Variants in TDRD9 observed in about 807,000 individuals in gnomAD.
TDRD9 encodes the protein ATP-dependent RNA helicase TDRD9.
A neutral mutation model predicts 172.6 loss-of-function variants in TDRD9; 124 were observed. That is an observed-to-expected ratio of 0.72 (90% CI 0.62 to 0.83). The LOEUF (loss-of-function observed/expected upper bound fraction) is 0.83. TDRD9 is among the 40% of genes least tolerant of loss of function. The probability of loss-of-function intolerance (pLI) is 0.00; values close to 1 mark genes in which losing one functional copy is unlikely to be tolerated. For synonymous variants in TDRD9, 619 were observed against 617.1 expected, an observed-to-expected ratio of 1.00 and a Z score of -0.05; for missense variants, 1,479 against 1,714.1, an observed-to-expected ratio of 0.86 and a Z score of 2.42.
chr14:103,938,422 A>C (rs1189609042), intron 1 of TDRD9, among the ~76,000 whole-genome samples: 1 of 39,526 alleles, frequency 2.5e-5, no homozygotes, highest in Non-Finnish European at 4.5e-5. Context: ...GTGTATATAT[A>C]TATATATATA....
intron 1 of TDRD9, among the ~76,000 whole-genome samples, chr14:103,943,407 G>T (rs2031366266): frequency 6.7e-6 from 1 of 149,522 alleles, no homozygotes; most frequent in African/African-American, 2.5e-5. Context: ...GTACATATAT[G>T]TATATATACA....
intron 5 of TDRD9, among the ~76,000 whole-genome samples, chr14:103,969,123 C>A (rs12885873): frequency 0.24 from 34,753 of 144,982 alleles, 4,803 homozygotes; most frequent in South Asian, 0.44. Context: ...AAAAAAAAAA[C>A]CCCCCAAAAA....
intron 1 of TDRD9, among the ~76,000 whole-genome samples, chr14:103,952,242 T>A (rs1220376435): frequency 2.7e-5 from 2 of 75,068 alleles, no homozygotes; most frequent in Admixed American, 1.5e-4. Flanking sequence ...TTTTTTTTTT[T>A]TTTTTTTTTT....
chr14:104,005,575 AC>A (rs1408182458), intron 15 of TDRD9, among the ~76,000 whole-genome samples, 170 bp downstream of exon 15: 1 of 150,612 alleles, frequency 6.6e-6, no homozygotes, highest in Admixed American at 6.6e-5. Context: ...CTCCTGCCTC[AC>A]TTTCCCGCTA....
At chr14:103,971,174 G>A (rs11160774) in intron 6 of TDRD9, among the ~76,000 whole-genome samples, 32,579 of 150,788 alleles carry the variant, frequency 0.22, 4,175 homozygotes, top group South Asian at 0.42. Flanking sequence ...TAGTAGAGGC[G>A]GGGTTTCATC....
chr14:103,955,400 AG>A (rs765761182), intron 1 of TDRD9, among the ~76,000 whole-genome samples: 2 of 152,174 alleles, frequency 1.3e-5, no homozygotes, highest in Non-Finnish European at 2.9e-5. Context: ...CTTCAGAATA[AG>A]TGGTCATACC....
At chr14:103,965,189 G>T (rs1299795949) in intron 3 of TDRD9, 144 bp from the exon 4 acceptor site, 2 of 815,890 alleles carry the variant, frequency 2.5e-6, no homozygotes, top group African/African-American at 3.4e-5. Context: ...TCCAGGCTGG[G>T]CAACAGAGCG....
intron 35 of TDRD9, among the ~76,000 whole-genome samples, chr14:104,050,970 T>C (rs762316125): frequency 6.6e-6 from 1 of 152,238 alleles, no homozygotes; most frequent in Non-Finnish European, 1.5e-5. Flanking sequence ...TTTATTTATT[T>C]GCAGCTTTTA....
At chr14:104,008,368 A>G in intron 19 of TDRD9, 45 bp from the exon 20 acceptor site, 1 of 1,138,174 alleles carries the variant, frequency 8.8e-7, no homozygotes. Flanking sequence ...TTCAGCTCTA[A>G]TTTATTACCT....
In TDRD9 at chr14:103,995,768, AT is replaced by A; in HGVS notation, c.1341del (p.Ile447MetfsTer15). 6.2e-7 allele frequency: 1 copy of A among 1,609,248 alleles called. No homozygotes were observed. The highest frequency in any genetic ancestry group is 8.5e-7 in the Non-Finnish European group (1 of 1,178,020). The part of the protein sequence containing the change: ...GYRKIILSTN[I>X]AESSVTVPDV... ...TTAACAGATTATTCTGTCCACCAAT[AT>A]TGCAGAGAGTTCTGTCACAGTTCCA... On this transcript the variant is annotated frameshift_variant, in exon 12 of 36. Coordinates refer to ENST00000409874, the MANE Select transcript of TDRD9 (RefSeq NM_153046.3). LOFTEE classifies it high-confidence loss of function.
intron 1 of TDRD9, among the ~76,000 whole-genome samples, chr14:103,952,383 A>G (rs972905905): frequency 1.5e-4 from 22 of 148,932 alleles, no homozygotes; most frequent in African/African-American, 4.9e-4. Flanking sequence ...CTGGGACTAC[A>G]GGCGCCCGCC....
intron 28 of TDRD9, 54 bp downstream of exon 28, chr14:104,026,993 A>G: frequency 1.3e-6 from 2 of 1,579,222 alleles, no homozygotes; most frequent in Non-Finnish European, 8.6e-7. Flanking sequence ...AGAACGGGGC[A>G]GGCTTTCCTT....
At chr14:104,038,102 G>A (rs2035504751) in intron 32 of TDRD9, among the ~76,000 whole-genome samples, 1 of 152,154 alleles carries the variant, frequency 6.6e-6, no homozygotes, top group Non-Finnish European at 1.5e-5. Context: ...TTTTGCTACT[G>A]GGGAGACTGC....
intron 1 of TDRD9, among the ~76,000 whole-genome samples, chr14:103,947,283 A>C (rs1190049396): frequency 1.3e-5 from 2 of 151,758 alleles, no homozygotes; most frequent in African/African-American, 4.8e-5. Context: ...GGAAAAGGAC[A>C]GTTTGTTTTT....
In TDRD9 at chr14:104,052,144, T is replaced by A; in HGVS notation, c.*62T>A. On this transcript the variant is annotated 3_prime_UTR_variant, in exon 36 of 36. Coordinates refer to ENST00000409874, the MANE Select transcript of TDRD9 (RefSeq NM_153046.3). The stretch of plus-strand genomic sequence containing the variant: ...AAGCTGTGGAGGCTGGATTCCAGGC[T>A]CCCTCCGCAGACTGACTTTCCTCTG... 1 of 1,215,856 alleles carries A rather than the reference T, an allele frequency of 8.2e-7. No homozygotes were observed. The highest frequency in any genetic ancestry group is 1.3e-5 in the South Asian group (1 of 74,718). 75.3% of individuals were successfully genotyped at this position (1,215,856 alleles called of 1,614,324 possible). A position where few individuals can be genotyped will look rare whatever the true frequency, so the allele number is the denominator to read the frequency against.
chr14:103,970,040 T>C (rs890558287), intron 5 of TDRD9, among the ~76,000 whole-genome samples: 2 of 152,222 alleles, frequency 1.3e-5, no homozygotes, highest in African/African-American at 2.4e-5. Flanking sequence ...GCTGCAGTTA[T>C]GCACATCATG....
intron 3 of TDRD9, among the ~76,000 whole-genome samples, chr14:103,963,448 C>T (rs997844243): frequency 4.0e-5 from 6 of 151,812 alleles, no homozygotes; most frequent in Non-Finnish European, 5.9e-5. Flanking sequence ...TCTAGTCTTT[C>T]CTTCCTCAAA....
At chr14:103,969,544 T>C (rs1374003654) in intron 5 of TDRD9, among the ~76,000 whole-genome samples, 1 of 152,236 alleles carries the variant, frequency 6.6e-6, no homozygotes, top group Non-Finnish European at 1.5e-5. Flanking sequence ...TTCTCTATGC[T>C]ACTTCTCTAG....
In TDRD9 at chr14:104,052,064, G is replaced by C. The variant is rs1479895964; in HGVS notation, c.4131G>C (p.Leu1377=). The change falls in exon 36 of 36, where the codon CTG becomes CTC. Residue 1377 remains leucine (L), a synonymous_variant. Coordinates refer to ENST00000409874, the MANE Select transcript of TDRD9 (RefSeq NM_153046.3). ...KNTFLYQLHK[L]VVLGT is the part of the protein sequence containing the mutation. ...CCTTTCTCTACCAGCTCCACAAACT[G>C]GTTGTGCTCGGCACCTGAGCATGTC... 4 of 1,576,930 alleles carry C rather than the reference G, an allele frequency of 2.5e-6. No individual in the cohort carries two copies. The South Asian group carries it at 4.7e-5, about 18-fold the overall frequency.
Sources: allele counts gnomAD v4.1 joint callset (sites outside exome capture counted in the v4.1 genomes callset), GRCh38; gene constraint gnomAD v4.1.1; transcripts MANE v1.5; gene names NCBI Gene and HGNC (gene_info 2026-07-23, HGNC 2026-07-21).